Variants in RNASEH2B observed in about 807,000 individuals in gnomAD.
The protein encoded by RNASEH2B is Aicardi-Goutieres syndrome 2 protein.
Under a neutral mutation model 45.0 loss-of-function variants are expected in RNASEH2B, and 36 were observed. The ratio of observed to expected loss-of-function variants is 0.80; its 90% CI spans 0.61 to 1.06. The LOEUF is 1.06. RNASEH2B is among the 50% of genes least tolerant of loss of function. The probability of loss-of-function intolerance (pLI) is 0.00; values close to 1 mark genes in which losing one functional copy is unlikely to be tolerated. For missense variants in RNASEH2B, 361 were observed against 360.3 expected, an observed-to-expected ratio of 1.00 and a Z score of -0.02; for synonymous variants, 119 against 125.7, an observed-to-expected ratio of 0.95 and a Z score of 0.35.
At chr13:50,941,496 G>T (rs1200486445) in intron 5 of RNASEH2B, 1 of 152,244 alleles carries the variant, frequency 6.6e-6, no homozygotes, top group Non-Finnish European at 1.5e-5. Flanking sequence ...AGAAAATTTG[G>T]AGGTAGAGGC....
Position 50,910,036 on chromosome 13 carries a change from C to G in RNASEH2B, c.-41C>G. On this transcript the variant is annotated 5_prime_UTR_variant, in exon 1 of 11. Transcript: ENST00000336617. ...TCGGCGGGGCTGGGAGACTGAGGCC[C>G]GCGGCGCTGAGCCTGCGGCGCCCCG... The G allele has an allele frequency of 6.9e-7, 1 of 1,458,868 alleles. No individual in the cohort carries two copies. Among genetic ancestry groups the G allele is most frequent in the South Asian group, 1.3e-5 (1 of 76,138 alleles). The allele number at this position is 1,458,868 out of a possible 1,614,324, so 90.4% of individuals were successfully genotyped here.
intron 9 of RNASEH2B, among the ~76,000 whole-genome samples, chr13:50,969,333 CAGA>C (rs1952196028): frequency 6.6e-6 from 1 of 151,866 alleles, no homozygotes. Context: ...CATATAGCTC[CAGA>C]ATACGTTATT....
intron 9 of RNASEH2B, among the ~76,000 whole-genome samples, chr13:50,964,674 A>G (rs1020843192): frequency 9.9e-5 from 15 of 152,216 alleles, no homozygotes; most frequent in African/African-American, 2.7e-4. Context: ...CAGGTTGAAT[A>G]ATCTCAGCAA....
chr13:50,958,127 G>T (rs1645043216), downstream of RNASEH2B, among the ~76,000 whole-genome samples: 1 of 152,066 alleles, frequency 6.6e-6, no homozygotes, highest in Non-Finnish European at 1.5e-5. Flanking sequence ...TATTTTTGTT[G>T]CAATTGCTTT....
chr13:50,958,097 G>A (rs1164772772), downstream of RNASEH2B, among the ~76,000 whole-genome samples: 3 of 152,126 alleles, frequency 2.0e-5, no homozygotes, highest in East Asian at 1.9e-4. Context: ...AGTTTAATAA[G>A]GCCCCCACTT....
rs1181798662 is a variant in RNASEH2B at position 50,910,131 on chromosome 13, C to T, written c.55C>T (p.Leu19=). 11 of 1,455,154 alleles carry T rather than the reference C, an allele frequency of 7.6e-6. No homozygotes were observed. The highest frequency in any genetic ancestry group is 2.6e-5 in the Admixed American group (1 of 38,186). The allele number at this position is 1,455,154 out of a possible 1,614,324, so 90.1% of individuals were successfully genotyped here. A position where few individuals can be genotyped will look rare whatever the true frequency, so the allele number is the denominator to read the frequency against. The stretch of plus-strand genomic sequence containing the variant: ...GGTTGGCGCCCGGCAGCACGTGTTC[C>T]TGGTTTCAGGTAAACACGCGCGCCC... ...DGVGARQHVF[L]VSEYLKDASK... is the part of the protein sequence containing the mutation. Residue 19 remains leucine, a synonymous_variant, in exon 1 of 11, where the codon CTG becomes TTG. Transcript: ENST00000336617.
At chr13:50,932,342 C>A (rs1019981767) in intron 4 of RNASEH2B, among the ~76,000 whole-genome samples, 1 of 152,214 alleles carries the variant, frequency 6.6e-6, no homozygotes, top group African/African-American at 2.4e-5. Context: ...CCATACCTCA[C>A]TTTCATCACA....
chr13:50,913,674 A>G (rs1879563140), intron 1 of RNASEH2B, among the ~76,000 whole-genome samples: 1 of 152,208 alleles, frequency 6.6e-6, no homozygotes, highest in Non-Finnish European at 1.5e-5. Flanking sequence ...CCTTTATTTC[A>G]TGAATATACA....
At chr13:50,943,130 A>C (rs1593470102) in intron 5 of RNASEH2B, 191 bp from the exon 6 acceptor site, 1 of 517,300 alleles carries the variant, frequency 1.9e-6, no homozygotes, top group African/African-American at 2.0e-5. Flanking sequence ...GTGGTTGATG[A>C]CTCCTGAGGT....
At chr13:50,916,929 G>C (rs1329675385) in intron 1 of RNASEH2B, among the ~76,000 whole-genome samples, 1 of 152,168 alleles carries the variant, frequency 6.6e-6, no homozygotes, top group Non-Finnish European at 1.5e-5. Flanking sequence ...GGAGTCCAGG[G>C]TTTCTGCCTC....
chr13:50,960,695 A>G (rs1259557861), downstream of RNASEH2B, among the ~76,000 whole-genome samples: 1 of 152,210 alleles, frequency 6.6e-6, no homozygotes, highest in Admixed American at 6.5e-5. Context: ...ACCTTTGTCA[A>G]ATATAGTTTT....
intron 1 of RNASEH2B, chr13:50,912,683 G>A (rs1879494072): frequency 6.6e-6 from 1 of 152,196 alleles, no homozygotes; most frequent in Admixed American, 6.5e-5. Flanking sequence ...GTAAAGCTGG[G>A]CCCTTAATAA....
chr13:50,949,417 G>A (rs369970613), intron 8 of RNASEH2B, 46 bp from the exon 9 acceptor site: 1 of 1,582,772 alleles, frequency 6.3e-7, no homozygotes, highest in African/African-American at 1.3e-5. Flanking sequence ...CTGTTTGTTT[G>A]TCTATGAAAA....
chr13:50,945,904 C>T (rs1418808476), intron 7 of RNASEH2B, among the ~76,000 whole-genome samples: 2 of 152,140 alleles, frequency 1.3e-5, no homozygotes, highest in East Asian at 3.9e-4. Context: ...TCTTGAGGCC[C>T]TGTGCAAAGT....
chr13:50,918,432 C>G (rs552154099), intron 1 of RNASEH2B, among the ~76,000 whole-genome samples: 1 of 152,194 alleles, frequency 6.6e-6, no homozygotes, highest in Admixed American at 6.5e-5. Flanking sequence ...CCACTGCGCC[C>G]GGCCTCTAAT....
At chr13:50,923,955 T>C (rs148217835) in intron 1 of RNASEH2B, among the ~76,000 whole-genome samples, 11 of 152,318 alleles carry the variant, frequency 7.2e-5, no homozygotes, top group Non-Finnish European at 1.2e-4. Flanking sequence ...TCAGTTAATA[T>C]TAATCTGAAC....
At chr13:50,942,839 A>G (rs996278196) in intron 5 of RNASEH2B, 1 of 160,520 alleles carries the variant, frequency 6.2e-6, no homozygotes, top group Admixed American at 6.3e-5. Flanking sequence ...TAGTCCAGTA[A>G]GGCAGCAACA....
Position 50,956,666 on chromosome 13 carries a change from C to T in RNASEH2B, c.*192C>T, listed in dbSNP as rs1952055974. On this transcript the variant is annotated 3_prime_UTR_variant, in exon 11 of 11. Coordinates refer to ENST00000336617, the MANE Select transcript of RNASEH2B (RefSeq NM_024570.4). ...AAAGTGTCTAACTTCATGGCTATGGCCTTTTGGAGTCTCATCTGACATAAT... is the reference window on the plus strand; with the variant it reads ...AAAGTGTCTAACTTCATGGCTATGGTCTTTTGGAGTCTCATCTGACATAAT... 2 of 1,350,822 alleles carry T rather than the reference C, an allele frequency of 1.5e-6. No homozygotes were observed. Among genetic ancestry groups the T allele is most frequent in the Non-Finnish European group, 1.9e-6 (2 of 1,045,850 alleles). 83.7% of individuals were successfully genotyped at this position (1,350,822 alleles called of 1,614,324 possible).
chr13:50,911,108 C>CA (rs1879361764), intron 1 of RNASEH2B: 1 of 152,210 alleles, frequency 6.6e-6, no homozygotes, highest in Non-Finnish European at 1.5e-5. Flanking sequence ...CATACGTATA[C>CA]ACCACCCTAG....
Sources: allele counts gnomAD v4.1 joint callset (sites outside exome capture counted in the v4.1 genomes callset), GRCh38; gene constraint gnomAD v4.1.1; transcripts MANE v1.5; gene names NCBI Gene and HGNC (gene_info 2026-07-23, HGNC 2026-07-21).